Variants in CSMD2 observed in about 807,000 individuals in gnomAD.
The protein encoded by CSMD2 is CUB and sushi domain-containing protein 2.
In CSMD2, 130 loss-of-function variants were observed where a neutral mutation model predicts 398.5. That is an observed-to-expected ratio of 0.33 (90% CI 0.28 to 0.38). The LOEUF (loss-of-function observed/expected upper bound fraction) is 0.38. CSMD2 is among the 10% of genes least tolerant of loss of function. The pLI is 1.00. For synonymous variants in CSMD2, 1,828 were observed against 1,908.5 expected (o/e 0.96, Z 1.10); for missense variants, 3,829 against 4,764.9 (o/e 0.80, Z 5.78).
At chr1:33,809,007 C>A (rs1270450591) in intron 10 of CSMD2, among the ~76,000 whole-genome samples, 2 of 150,794 alleles carry the variant, frequency 1.3e-5, no homozygotes, top group East Asian at 1.9e-4. Flanking sequence ...CAAAATAATT[C>A]TCTAGCCATT....
intron 3 of CSMD2, among the ~76,000 whole-genome samples, chr1:33,987,714 C>T (rs1646408898): frequency 6.6e-6 from 1 of 152,174 alleles, no homozygotes; most frequent in Non-Finnish European, 1.5e-5. Context: ...AGGAGCACCT[C>T]ACCCTTGCCG....
At chr1:33,697,246 G>A (rs1176309186) in intron 24 of CSMD2, among the ~76,000 whole-genome samples, 1 of 152,090 alleles carries the variant, frequency 6.6e-6, no homozygotes, top group Non-Finnish European at 1.5e-5. Context: ...GGCATTATAC[G>A]GTTGTGTGTT....
Position 33,549,742 on chromosome 1 carries a change from A to G in CSMD2, c.8917+435T>C, listed in dbSNP as rs140191520. On this transcript the variant is annotated intron_variant, in intron 56 of 70. Transcript: ENST00000373381. ...AGGCTGGGGCCTACGAGTCTGAAACAGAGAAGAAAAGAACACAGGAGTGGG... is the reference window on the plus strand; with the variant it reads ...AGGCTGGGGCCTACGAGTCTGAAACGGAGAAGAAAAGAACACAGGAGTGGG... Among the ~76,000 whole-genome samples the G allele has an allele frequency of 2.3e-3, 356 of 152,312 alleles. 3 individuals carry two copies. Among genetic ancestry groups the G allele is most frequent in the African/African-American group, 8.1e-3 (337 of 41,562 alleles).
At position 33,514,247 on chromosome 1, in the gene CSMD2, G is replaced by A. The variant is rs1360436272; in HGVS notation, c.*2377C>T. 2 of 147,000 alleles carry A rather than the reference G, an allele frequency of 1.4e-5. No homozygotes were observed. Among genetic ancestry groups the A allele is most frequent in the Non-Finnish European group, 3.0e-5 (2 of 67,136 alleles). 9.1% of individuals were successfully genotyped at this position (147,000 alleles called of 1,614,324 possible). A position where few individuals can be genotyped will look rare whatever the true frequency, so the allele number is the denominator to read the frequency against. On this transcript the variant is annotated 3_prime_UTR_variant, in exon 71 of 71. Coordinates refer to ENST00000373381, the MANE Select transcript of CSMD2 (RefSeq NM_001281956.2). ...ATTTACAAAAAAGGCTTCCACTACCGTTTACCTACAATAATGAAAAAAAAA... is the reference window on the plus strand; with the variant it reads ...ATTTACAAAAAAGGCTTCCACTACCATTTACCTACAATAATGAAAAAAAAA...
At chr1:33,524,854 G>A (rs567293589) in intron 66 of CSMD2, 28 bp downstream of exon 66, 18 of 1,609,830 alleles carry the variant, frequency 1.1e-5, no homozygotes, top group African/African-American at 5.3e-5. Flanking sequence ...CCATCCTCCC[G>A]GCTTTCATAG....
At chr1:33,687,894 A>G (rs1645108826) in intron 25 of CSMD2, among the ~76,000 whole-genome samples, 5 of 152,232 alleles carry the variant, frequency 3.3e-5, no homozygotes. Context: ...GAAAACACAC[A>G]AAGAACCAGA....
rs1186141143 is a variant in CSMD2, at chr1:33,772,744, C to A, written c.1671G>T (p.Glu557Asp). The stretch of plus-strand genomic sequence containing the variant: ...TGCCAGGGTCACCGCAACTGCCCTG[C>A]TCGATCTCTGAAAGACAGGAAGATG... ...LGFKASYEEIEQGSCGDPGIP... is the reference protein window; with the variant it reads ...LGFKASYEEIDQGSCGDPGIP... The change falls in exon 13 of 71, where the codon GAG becomes GAT. Residue 557 changes from glutamate to aspartate, a missense_variant. This residue lies in a region of CSMD2 where 2,001 missense variants were observed against 2,567.1 expected (regional missense o/e 0.78). Coordinates refer to ENST00000373381, the MANE Select transcript of CSMD2 (RefSeq NM_001281956.2). 4 of 1,610,466 alleles carry A rather than the reference C, an allele frequency of 2.5e-6. No homozygotes were observed. The African/African-American group carries it at 4.0e-5, about 16-fold the overall frequency.
At chr1:33,978,366 T>C (rs1372672829) in intron 3 of CSMD2, among the ~76,000 whole-genome samples, 2 of 152,204 alleles carry the variant, frequency 1.3e-5, no homozygotes, top group African/African-American at 4.8e-5. Context: ...TAGCACCGTG[T>C]TCCAGGCTCT....
chr1:33,787,695 G>A (rs1233089076), intron 12 of CSMD2, among the ~76,000 whole-genome samples: 1 of 152,114 alleles, frequency 6.6e-6, no homozygotes, highest in Non-Finnish European at 1.5e-5. Flanking sequence ...ACCTAAGAGG[G>A]GCTTAACAGT....
intron 1 of CSMD2, among the ~76,000 whole-genome samples, chr1:34,162,500 C>G (rs1641436198): frequency 6.6e-6 from 1 of 152,156 alleles, no homozygotes; most frequent in Non-Finnish European, 1.5e-5. Context: ...GTCACCAAGT[C>G]CATTTCCAAA....
chr1:34,003,451 C>T (rs1011264727), intron 3 of CSMD2, among the ~76,000 whole-genome samples: 1 of 152,176 alleles, frequency 6.6e-6, no homozygotes, highest in African/African-American at 2.4e-5. Context: ...CAGCCTGCAT[C>T]CATCATGCCC....
At chr1:33,592,120 G>C in intron 44 of CSMD2, 2 of 444,920 alleles carry the variant, frequency 4.5e-6, no homozygotes, top group Non-Finnish European at 8.3e-6. Context: ...AGAGAAGAGA[G>C]AACCCAAGGG....
At chr1:33,874,899 G>C (rs1640731235) in intron 5 of CSMD2, among the ~76,000 whole-genome samples, 1 of 152,194 alleles carries the variant, frequency 6.6e-6, no homozygotes, top group Non-Finnish European at 1.5e-5. Flanking sequence ...GTGGTCCCTG[G>C]GGCTGTCCCT....
At chr1:33,974,632 A>T (rs1266136086) in intron 3 of CSMD2, among the ~76,000 whole-genome samples, 1 of 152,172 alleles carries the variant, frequency 6.6e-6, no homozygotes, top group African/African-American at 2.4e-5. Flanking sequence ...GCTTGCATGG[A>T]ACTGTGAGTG....
intron 3 of CSMD2, among the ~76,000 whole-genome samples, chr1:33,955,424 C>T (rs1253467487): frequency 1.3e-5 from 2 of 152,018 alleles, no homozygotes; most frequent in Non-Finnish European, 2.9e-5. Context: ...TTCAAGTTGG[C>T]CCAAAAAATA....
chr1:33,706,395 G>A (rs916574250), intron 22 of CSMD2, among the ~76,000 whole-genome samples: 4 of 151,936 alleles, frequency 2.6e-5, no homozygotes, highest in East Asian at 1.9e-4. Flanking sequence ...TTTTAATTGG[G>A]TGATCATGTT....
chr1:33,775,504 G>A (rs747936392), intron 12 of CSMD2, among the ~76,000 whole-genome samples: 2 of 152,290 alleles, frequency 1.3e-5, no homozygotes, highest in African/African-American at 2.4e-5. Context: ...GCTTCTTGGA[G>A]GATGTGGTCC....
intron 3 of CSMD2, among the ~76,000 whole-genome samples, chr1:33,996,335 C>T (rs1291218289): frequency 3.3e-5 from 5 of 152,230 alleles, no homozygotes; most frequent in East Asian, 3.9e-4. Context: ...AAGCCATACT[C>T]GGTCAAGCTT....
chr1:33,877,781 G>A (rs1337336073), intron 5 of CSMD2, among the ~76,000 whole-genome samples: 2 of 152,160 alleles, frequency 1.3e-5, no homozygotes, highest in East Asian at 1.9e-4. Context: ...AGAGAAGAGA[G>A]AGATGTTAAG....
Sources: allele counts gnomAD v4.1 joint callset (sites outside exome capture counted in the v4.1 genomes callset), GRCh38; gene constraint gnomAD v4.1.1; regional missense constraint gnomAD v4.1.1; transcripts MANE v1.5; gene names NCBI Gene and HGNC (gene_info 2026-07-23, HGNC 2026-07-21).